ADAM22: variants seen among roughly 807,000 people sequenced by gnomAD.
ADAM22 encodes ADAM metallopeptidase domain 22.
Under a neutral mutation model 144.6 loss-of-function variants are expected in ADAM22, and 65 were observed. That is an observed-to-expected ratio of 0.45 (90% CI 0.37 to 0.55). The LOEUF is 0.55. Ranked by LOEUF, ADAM22 falls within the 20% of genes least tolerant of loss-of-function variation. The pLI is 0.00. For missense variants in ADAM22, 974 were observed against 1,184.9 expected, an observed-to-expected ratio of 0.82 and a Z score of 2.61; for synonymous variants, 391 against 412.6, an observed-to-expected ratio of 0.95 and a Z score of 0.63.
At chr7:88,002,129 A>G (rs1254733919) in intron 3 of ADAM22, among the ~76,000 whole-genome samples, 3 of 152,206 alleles carry the variant, frequency 2.0e-5, no homozygotes, top group Admixed American at 6.5e-5. Context: ...AAATTTGCAA[A>G]AGAAAAAGGA....
chr7:87,982,857 A>G (rs1854023918), intron 3 of ADAM22, among the ~76,000 whole-genome samples: 1 of 150,272 alleles, frequency 6.7e-6, no homozygotes, highest in South Asian at 2.1e-4. Flanking sequence ...ACACCCGGCT[A>G]ATTTTGTATT....
At chr7:88,119,694 G>A (rs576474219) in intron 7 of ADAM22, among the ~76,000 whole-genome samples, 1 of 152,138 alleles carries the variant, frequency 6.6e-6, no homozygotes, top group Non-Finnish European at 1.5e-5. Flanking sequence ...TCACCATGTT[G>A]GTCAGGCTGG....
In ADAM22 at chr7:88,131,452, A is replaced by G. The variant is rs2129498860; in HGVS notation, c.992+17A>G. 6.2e-7 allele frequency: 1 copy of G among 1,611,592 alleles called. No individual in the cohort carries two copies. The highest frequency in any genetic ancestry group is 2.2e-5 in the East Asian group (1 of 44,798). On this transcript the variant is annotated intron_variant, in intron 11 of 31. Coordinates refer to ENST00000413139, the MANE Select transcript of ADAM22 (RefSeq NM_001324418.2). ...CCTTTTTTCGTACGTAACTTCTGTA[A>G]TGATGTATTACTTTTTTTGATTCCA...
At chr7:88,185,986 C>T (rs1485216588) in intron 29 of ADAM22, 2 of 152,374 alleles carry the variant, frequency 1.3e-5, no homozygotes, top group Non-Finnish European at 1.5e-5. Flanking sequence ...ATCATGGAGG[C>T]CTATTTAGAC....
intron 2 of ADAM22, among the ~76,000 whole-genome samples, chr7:87,952,319 A>G (rs1845443337): frequency 6.6e-6 from 1 of 151,996 alleles, no homozygotes; most frequent in Non-Finnish European, 1.5e-5. Flanking sequence ...ACGTCCCATC[A>G]ATACCTAATT....
rs112135521 is a variant in ADAM22, at chr7:88,185,026, G to A, written c.2664-1589G>A. 3.7e-3 allele frequency among the ~76,000 whole-genome samples: 557 copies of A among 152,272 alleles called. 1 individual carries two copies. The highest frequency in any genetic ancestry group is 6.0e-3 in the Non-Finnish European group (410 of 68,000). ...TGTTTCACCTGATTATAGCTGCATG[G>A]GCTTTTTCTACGGTTTTCCCCAGGC... On this transcript the variant is annotated intron_variant, in intron 29 of 31. Coordinates refer to ENST00000413139, the MANE Select transcript of ADAM22 (RefSeq NM_001324418.2).
intron 26 of ADAM22, among the ~76,000 whole-genome samples, chr7:88,175,241 A>G (rs994694942): frequency 9.2e-5 from 14 of 152,188 alleles, no homozygotes; most frequent in African/African-American, 3.4e-4. Flanking sequence ...CATAACAACT[A>G]GATGATTTAT....
chr7:88,155,375 T>C (rs960517437), intron 21 of ADAM22, among the ~76,000 whole-genome samples: 1 of 151,716 alleles, frequency 6.6e-6, no homozygotes, highest in South Asian at 2.1e-4. Flanking sequence ...ATTTAAAAGT[T>C]AGTTGGGTCT....
intron 30 of ADAM22, among the ~76,000 whole-genome samples, chr7:88,189,771 C>T (rs1210995519): frequency 6.6e-6 from 1 of 151,972 alleles, no homozygotes; most frequent in African/African-American, 2.4e-5. Flanking sequence ...TGGTGAAACC[C>T]CATCTCTACT....
Position 88,005,002 on chromosome 7 carries a change from G to C in ADAM22, c.323+26590G>C, listed in dbSNP as rs1009303251. On this transcript the variant is annotated intron_variant, in intron 3 of 31. Transcript: ENST00000413139. The stretch of plus-strand genomic sequence containing the variant: ...ATTTAATGCTATATTATTATAAAAC[G>C]CTAAGTGTGCTGGGCATAGAGGTGC... Among the ~76,000 whole-genome samples, 3 of 151,996 alleles carry C rather than the reference G, an allele frequency of 2.0e-5. No individual in the cohort carries two copies. The East Asian group carries it at 5.8e-4, about 29-fold the overall frequency.
chr7:87,949,985 C>T (rs1275521887), intron 2 of ADAM22, among the ~76,000 whole-genome samples: 1 of 151,622 alleles, frequency 6.6e-6, no homozygotes, highest in Non-Finnish European at 1.5e-5. Context: ...GTTACCCATA[C>T]TCCATGAAAT....
At chr7:87,966,721 G>GT (rs71120012) in intron 2 of ADAM22, among the ~76,000 whole-genome samples, 705 of 39,808 alleles carry the variant, frequency 0.018, 193 homozygotes, top group African/African-American at 0.046. Flanking sequence ...AAGGAAAGCC[G>GT]TTTTTTTTTT....
chr7:87,985,831 AGT>A (rs1788345020), intron 3 of ADAM22, among the ~76,000 whole-genome samples: 1 of 152,174 alleles, frequency 6.6e-6, no homozygotes, highest in South Asian at 2.1e-4. Context: ...GATACCTAGA[AGT>A]GGAATGGTTG....
intron 3 of ADAM22, among the ~76,000 whole-genome samples, chr7:88,059,700 A>G (rs1384843830): frequency 6.6e-6 from 1 of 152,222 alleles, no homozygotes; most frequent in Non-Finnish European, 1.5e-5. Context: ...GAATGAAATC[A>G]TGTCTTTTGC....
chr7:88,133,056 T>C (rs1832183621), intron 12 of ADAM22, 105 bp downstream of exon 12: 2 of 1,011,856 alleles, frequency 2.0e-6, no homozygotes, highest in East Asian at 5.0e-5. Context: ...AGATGTTAGA[T>C]TGCTATATTA....
intron 19 of ADAM22, 60 bp downstream of exon 19, chr7:88,151,091 A>T (rs1838209152): frequency 1.9e-6 from 3 of 1,564,796 alleles, no homozygotes; most frequent in Admixed American, 3.4e-5. Flanking sequence ...GGAATACTGA[A>T]ATCTTATCAA....
rs142420656 is a variant in ADAM22 at position 88,095,191 on chromosome 7, G to A, written c.391-12985G>A. 3.0e-3 allele frequency among the ~76,000 whole-genome samples: 457 copies of A among 152,206 alleles called. 3 individuals carry two copies. Among genetic ancestry groups the A allele is most frequent in the African/African-American group, 0.01 (429 of 41,528 alleles). ...CAGGAAGCATGTCAGGATCACCAGC[G>A]GCAGTTCTTTACTTCCTGCTTTATA... is the stretch of plus-strand genomic sequence containing the variant. On this transcript the variant is annotated intron_variant, in intron 4 of 31. Transcript: ENST00000413139.
chr7:87,989,865 G>C (rs1789372774), intron 3 of ADAM22, among the ~76,000 whole-genome samples: 1 of 151,950 alleles, frequency 6.6e-6, no homozygotes, highest in African/African-American at 2.4e-5. Context: ...GCAGTGAGCA[G>C]AGATCACACC....
At chr7:87,973,994 G>A (rs1226211611) in intron 2 of ADAM22, among the ~76,000 whole-genome samples, 7 of 151,790 alleles carry the variant, frequency 4.6e-5, no homozygotes, top group East Asian at 1.9e-4. Flanking sequence ...GCTAAATGAC[G>A]AGTTAATGGG....
Sources: allele counts gnomAD v4.1 joint callset (sites outside exome capture counted in the v4.1 genomes callset), GRCh38; gene constraint gnomAD v4.1.1; transcripts MANE v1.5; gene names NCBI Gene and HGNC (gene_info 2026-07-23, HGNC 2026-07-21).